The following NAMPT variants were observed in gnomAD, a reference collection of about 807,000 sequenced individuals.
NAMPT encodes NAmPRTase.
In NAMPT, 7 loss-of-function variants were observed where a neutral mutation model predicts 58.7. That is an observed-to-expected ratio of 0.12 (90% CI 0.07 to 0.22). NAMPT has a LOEUF of 0.22. Ranked by LOEUF, NAMPT falls within the 10% of genes least tolerant of loss-of-function variation. The pLI is 1.00. For missense variants in NAMPT, 271 were observed against 567.9 expected, an observed-to-expected ratio of 0.48 and a Z score of 5.31; for synonymous variants, 145 against 198.1, an observed-to-expected ratio of 0.73 and a Z score of 2.25.
At chr7:106,268,975 G>A (rs1023636720) in intron 5 of NAMPT, among the ~76,000 whole-genome samples, 179 bp downstream of exon 5, 39 of 152,146 alleles carry the variant, frequency 2.6e-4, no homozygotes, top group Non-Finnish European at 8.8e-5. Context: ...AGGGACATCT[G>A]TTGAAGGACA....
Position 106,284,952 on chromosome 7 carries a change from G to GC in NAMPT, c.-69_-68insG. On this transcript the variant is annotated 5_prime_UTR_variant, in exon 1 of 11. Transcript: ENST00000222553. ...CGCGGCTGCGAGGAAGGAGAAAAAT[G>GC]AGCTTCACCGCGCTCCGTTGCTTAA... The GC allele has an allele frequency of 6.5e-7, 1 of 1,544,840 alleles. No individual in the cohort carries two copies. The highest frequency in any genetic ancestry group is 8.8e-7 in the Non-Finnish European group (1 of 1,141,622).
chr7:106,269,340 T>C, intron 4 of NAMPT, 28 bp from the exon 5 acceptor site: 1 of 1,598,208 alleles, frequency 6.3e-7, no homozygotes, highest in Non-Finnish European at 8.5e-7. Context: ...ACCACAAATA[T>C]TAAGACATAA....
At chr7:106,255,330 G>T (rs1792181518) in intron 8 of NAMPT, among the ~76,000 whole-genome samples, 1 of 152,072 alleles carries the variant, frequency 6.6e-6, no homozygotes, top group African/African-American at 2.4e-5. Flanking sequence ...GTGAAGTTTG[G>T]TAACCATTTA....
intron 7 of NAMPT, 125 bp from the exon 8 acceptor site, chr7:106,261,832 T>C: frequency 1.0e-6 from 1 of 988,510 alleles, no homozygotes; most frequent in Non-Finnish European, 1.5e-6. Context: ...TTAAAAATTT[T>C]ATAACACTAT....
chr7:106,276,809 T>C, intron 2 of NAMPT: 2 of 444,442 alleles, frequency 4.5e-6, no homozygotes, highest in South Asian at 4.5e-5. Flanking sequence ...GCCATTGCAC[T>C]CCAGCCTGGC....
intron 6 of NAMPT, among the ~76,000 whole-genome samples, chr7:106,266,879 A>G (rs1792423179): frequency 6.6e-6 from 1 of 152,210 alleles, no homozygotes; most frequent in African/African-American, 2.4e-5. Flanking sequence ...TAGAATAGCT[A>G]GCATGATGTG....
chr7:106,278,249 C>T (rs1372480472), intron 1 of NAMPT, among the ~76,000 whole-genome samples: 1 of 152,132 alleles, frequency 6.6e-6, no homozygotes, highest in Admixed American at 6.5e-5. Flanking sequence ...TACAAGAATC[C>T]TAAGATGAAT....
chr7:106,262,707 C>T (rs1792328966), intron 7 of NAMPT, among the ~76,000 whole-genome samples: 1 of 152,088 alleles, frequency 6.6e-6, no homozygotes, highest in African/African-American at 2.4e-5. Context: ...GTTGTGTGAC[C>T]TTGAGCAAGT....
chr7:106,285,030 G>A, upstream of NAMPT: 2 of 1,397,540 alleles, frequency 1.4e-6, no homozygotes, highest in Non-Finnish European at 1.9e-6. Context: ...AGAGAGGGGA[G>A]GGGTCAGAGG....
At chr7:106,271,010 T>C (rs1562816949) in intron 4 of NAMPT, among the ~76,000 whole-genome samples, 1 of 152,220 alleles carries the variant, frequency 6.6e-6, no homozygotes, top group Admixed American at 6.5e-5. Flanking sequence ...CCACTGCCAA[T>C]GCCCATGATT....
chr7:106,253,374 CT>C, intron 9 of NAMPT: 1 of 468,672 alleles, frequency 2.1e-6, no homozygotes, highest in Non-Finnish European at 3.9e-6. Flanking sequence ...CTTGGATATC[CT>C]TTTTGCCACT....
Position 106,251,059 on chromosome 7 carries a change from A to T in NAMPT, c.*24T>A. 6.9e-7 allele frequency: 1 copy of T among 1,444,978 alleles called. No individual in the cohort carries two copies. The highest frequency in any genetic ancestry group is 9.7e-7 in the Non-Finnish European group (1 of 1,026,552). The allele number at this position is 1,444,978 out of a possible 1,614,324, so 89.5% of individuals were successfully genotyped here. ...AATAAACATTATGTATTACATACACACAACACACACCCAGTCATAAAGCCT... is the reference window on the plus strand; with the variant it reads ...AATAAACATTATGTATTACATACACTCAACACACACCCAGTCATAAAGCCT... On this transcript the variant is annotated 3_prime_UTR_variant, in exon 11 of 11. Coordinates refer to ENST00000222553, the MANE Select transcript of NAMPT (RefSeq NM_005746.3).
chr7:106,285,173 A>G (rs1792849060), upstream of NAMPT: 1 of 1,231,004 alleles, frequency 8.1e-7, no homozygotes, highest in South Asian at 2.4e-5. Context: ...GGGGGCCGAG[A>G]AAGGGCGGGG....
intron 3 of NAMPT, among the ~76,000 whole-genome samples, chr7:106,273,889 A>C (rs186538456): frequency 6.8e-4 from 104 of 152,134 alleles, no homozygotes; most frequent in South Asian, 4.2e-4. Context: ...CATGAAAGTT[A>C]AAGTATTTCT....
intron 8 of NAMPT, among the ~76,000 whole-genome samples, chr7:106,259,878 CTT>C (rs78910620): frequency 3.8e-5 from 5 of 132,794 alleles, no homozygotes; most frequent in Admixed American, 3.1e-4. Context: ...TCGAAACAAT[CTT>C]TTTTTTTTTT....
chr7:106,284,730 CA>C, intron 1 of NAMPT, 97 bp downstream of exon 1: 1 of 781,028 alleles, frequency 1.3e-6, no homozygotes, highest in Non-Finnish European at 1.7e-6. Context: ...GCCCCAGCCC[CA>C]GCCCCAACCC....
intron 6 of NAMPT, among the ~76,000 whole-genome samples, chr7:106,265,091 T>G (rs1477828759): frequency 6.6e-6 from 1 of 152,142 alleles, no homozygotes; most frequent in African/African-American, 2.4e-5. Context: ...ATTCTCTACT[T>G]CATGCATCTG....
intron 4 of NAMPT, chr7:106,271,723 T>G (rs1439292967): frequency 6.6e-6 from 1 of 152,234 alleles, no homozygotes; most frequent in Non-Finnish European, 1.5e-5. Flanking sequence ...TTTTTATAAG[T>G]GAGCCTCAAA....
chr7:106,266,381 G>A (rs770173710), intron 6 of NAMPT, among the ~76,000 whole-genome samples: 79 of 152,152 alleles, frequency 5.2e-4, no homozygotes, highest in Non-Finnish European at 1.0e-3. Context: ...AACCATCAAC[G>A]AAGAGTCTAA....
Sources: gnomAD v4.1 joint callset for allele counts (sites outside exome capture counted in the v4.1 genomes callset) on GRCh38, gnomAD v4.1.1 for gene constraint, MANE v1.5 for transcripts, NCBI Gene and HGNC (gene_info 2026-07-23, HGNC 2026-07-21) for gene names.